The following USH2A variants were observed in gnomAD, a reference collection of about 807,000 sequenced individuals.
The protein encoded by USH2A is Usher syndrome 2A (autosomal recessive, mild).
USH2A carries 443 observed loss-of-function variants against 538.9 expected under a neutral mutation model. The ratio of observed to expected loss-of-function variants is 0.82; its 90% CI spans 0.76 to 0.89. The LOEUF is 0.89. USH2A is among the 40% of genes least tolerant of loss of function. USH2A has a pLI of 0.00. For synonymous variants in USH2A, 2,413 were observed against 2,273.5 expected, an observed-to-expected ratio of 1.06 and a Z score of -1.75; for missense variants, 6,633 against 6,324.8, an observed-to-expected ratio of 1.05 and a Z score of -1.65.
chr1:215,867,092 CGTT>C lies in USH2A; in HGVS notation c.8757_8759del (p.Thr2920del), dbSNP rs1558135095. ...CTCCTCTCTCTGGAAGACCAGCTAA[CGTT>C]GTCACAGTCACTTCTCGGCTCGGTG... On this transcript the variant is annotated inframe_deletion, in exon 44 of 72. Transcript: ENST00000307340. The C allele has an allele frequency of 4.3e-6, 7 of 1,614,160 alleles. No homozygotes were observed. In the South Asian group the frequency reaches 4.4e-5, roughly 10 times the overall value.
chr1:216,273,764 T>G (rs188485135), intron 11 of USH2A, among the ~76,000 whole-genome samples: 3 of 151,040 alleles, frequency 2.0e-5, no homozygotes, highest in Non-Finnish European at 4.4e-5. Context: ...GGGAGTTAAT[T>G]ATGACTTGTT....
At position 216,364,923 on chromosome 1, in the gene USH2A, A is replaced by G. The variant is rs201421137; in HGVS notation, c.784+30T>C. On this transcript the variant is annotated intron_variant, in intron 4 of 71. Coordinates refer to ENST00000307340, the MANE Select transcript of USH2A (RefSeq NM_206933.4). ...TTTAAGAACAATGTAATTGGATGAA[A>G]TAAATAACATTCTGAAGTCAGAAAC... is the stretch of plus-strand genomic sequence containing the variant. 1.6e-4 allele frequency: 260 copies of G among 1,612,404 alleles called. 1 individual carries two copies. In the African/African-American group the frequency reaches 3.2e-3, roughly 20 times the overall value.
chr1:215,877,780 A>G lies in USH2A; in HGVS notation c.8659T>C (p.Tyr2887His), dbSNP rs1664810790. 6.2e-7 allele frequency: 1 copy of G among 1,613,664 alleles called. No homozygotes were observed. The highest frequency in any genetic ancestry group is 1.7e-5 in the Admixed American group (1 of 59,992). Residue 2887 changes from tyrosine (Y) to histidine (H), a missense_variant, in exon 43 of 72, where the codon TAT becomes CAT. Coordinates refer to ENST00000307340, the MANE Select transcript of USH2A (RefSeq NM_206933.4). ...CACCTGCTAAGACCCTTATCTTCAT[A>G]AAGCCACTGAGTTCCTGAATAAATA... ...HNIYSGTQWL[Y>H]EDKGLSRFTT...
At chr1:215,929,984 C>T (rs944453188) in intron 38 of USH2A, among the ~76,000 whole-genome samples, 7 of 151,908 alleles carry the variant, frequency 4.6e-5, no homozygotes, top group East Asian at 1.9e-4. Flanking sequence ...ACAAACTACT[C>T]GCAACCATTT....
intron 26 of USH2A, among the ~76,000 whole-genome samples, chr1:216,079,811 T>G (rs2031876176): frequency 6.6e-6 from 1 of 152,070 alleles, no homozygotes. Flanking sequence ...TTGAGAGTCA[T>G]TAAAATAAGG....
chr1:215,683,525 G>A lies in USH2A; in HGVS notation c.12067-3149C>T, dbSNP rs74141394. Reference sequence around the variant, plus strand: ...GTGAATTGGGTTGGCTCTCATTTACGTACTAAGTTTCTTGTTATTTTTCTT... The same window carrying A: ...GTGAATTGGGTTGGCTCTCATTTACATACTAAGTTTCTTGTTATTTTTCTT... On this transcript the variant is annotated intron_variant, in intron 61 of 71. Coordinates refer to ENST00000307340, the MANE Select transcript of USH2A (RefSeq NM_206933.4). 2.8e-3 allele frequency among the ~76,000 whole-genome samples: 427 copies of A among 152,208 alleles called. 2 individuals carry two copies. The highest frequency in any genetic ancestry group is 7.6e-3 in the African/African-American group (315 of 41,518).
At chr1:216,414,251 A>G (rs2039540316) in intron 3 of USH2A, among the ~76,000 whole-genome samples, 1 of 152,084 alleles carries the variant, frequency 6.6e-6, no homozygotes, top group Non-Finnish European at 1.5e-5. Flanking sequence ...TGAAATAGCC[A>G]ATATATTAAA....
rs926540982 is a variant in USH2A at position 215,758,657 on chromosome 1, T to C, written c.11327A>G (p.Tyr3776Cys). ...QTPMSTPEEI[Y>C]PPYNITVIGP... ...AATTACTGTGATATTATATGGAGGATAGATTTCTTCTGGTGTTGACATAGG... is the reference window on the plus strand; with the variant it reads ...AATTACTGTGATATTATATGGAGGACAGATTTCTTCTGGTGTTGACATAGG... The change falls in exon 58 of 72, where the codon TAT (tyrosine) becomes TGT (cysteine). Residue 3776 changes from tyrosine (Y) to cysteine (C), a missense_variant. Transcript: ENST00000307340. 1.1e-5 allele frequency: 17 copies of C among 1,613,890 alleles called. No homozygotes were observed. Among genetic ancestry groups the C allele is most frequent in the Non-Finnish European group, 1.3e-5 (15 of 1,179,864 alleles).
chr1:216,085,680 T>C (rs2032106541), intron 24 of USH2A, among the ~76,000 whole-genome samples: 1 of 151,854 alleles, frequency 6.6e-6, no homozygotes, highest in Non-Finnish European at 1.5e-5. Context: ...CTGAAGATAC[T>C]ATTTCCCAGA....
chr1:216,036,227 C>A (rs1213223919), intron 32 of USH2A, among the ~76,000 whole-genome samples: 1 of 151,920 alleles, frequency 6.6e-6, no homozygotes, highest in Non-Finnish European at 1.5e-5. Context: ...AATTTCTTTC[C>A]TTTCTATCAA....
chr1:215,814,064 C>T (rs954132114), intron 48 of USH2A, among the ~76,000 whole-genome samples, 160 bp from the exon 49 acceptor site: 24 of 151,364 alleles, frequency 1.6e-4, no homozygotes, highest in African/African-American at 5.1e-4. Context: ...CAGGATCATT[C>T]GAATTTTATA....
intron 3 of USH2A, among the ~76,000 whole-genome samples, chr1:216,400,155 C>A (rs1021287939): frequency 6.6e-6 from 1 of 151,134 alleles, no homozygotes; most frequent in African/African-American, 2.4e-5. Context: ...CATCAACAAG[C>A]AATTGTGAAT....
chr1:216,102,621 A>G (rs966547808), intron 21 of USH2A, among the ~76,000 whole-genome samples: 3 of 152,000 alleles, frequency 2.0e-5, no homozygotes, highest in Non-Finnish European at 4.4e-5. Context: ...AACACGGCGA[A>G]ACCTCGTCTC....
rs939341424 is a variant in USH2A at position 216,228,729 on chromosome 1, G to A, written c.2993+3224C>T. ...TCAGGTATGTCTTTATCAGCAGCAT[G>A]AAAACGGACTAATACAGGGATGGAA... On this transcript the variant is annotated intron_variant, in intron 14 of 71. Transcript: ENST00000307340. Among the ~76,000 whole-genome samples the A allele has an allele frequency of 5.3e-5, 8 of 152,220 alleles. No homozygotes were observed. In the East Asian group the frequency reaches 1.5e-3, roughly 29 times the overall value.
At chr1:216,094,906 T>C (rs1396747762) in intron 22 of USH2A, among the ~76,000 whole-genome samples, 1 of 152,082 alleles carries the variant, frequency 6.6e-6, no homozygotes, top group Non-Finnish European at 1.5e-5. Flanking sequence ...GAAGAGTATC[T>C]ACCTCACAGA....
intron 3 of USH2A, among the ~76,000 whole-genome samples, chr1:216,396,037 A>G (rs548340317): frequency 6.6e-6 from 1 of 152,308 alleles, no homozygotes; most frequent in African/African-American, 2.4e-5. Flanking sequence ...TCCCCTTTTC[A>G]TTGTCAAGGG....
intron 34 of USH2A, among the ~76,000 whole-genome samples, chr1:215,996,019 T>C (rs765198530): frequency 1.3e-5 from 2 of 152,150 alleles, no homozygotes; most frequent in Non-Finnish European, 2.9e-5. Flanking sequence ...CAAGGGATTA[T>C]CGTACCTCAG....
chr1:215,756,115 ATATT>A (rs1204566719), intron 58 of USH2A, among the ~76,000 whole-genome samples: 6 of 152,330 alleles, frequency 3.9e-5, no homozygotes, highest in African/African-American at 1.4e-4. Context: ...ACTAGATAAT[ATATT>A]TATCATATAA....
At chr1:215,768,380 T>C (rs1275194312) in intron 55 of USH2A, among the ~76,000 whole-genome samples, 3 of 152,188 alleles carry the variant, frequency 2.0e-5, no homozygotes, top group African/African-American at 7.2e-5. Flanking sequence ...TCTCATCCAT[T>C]TAGAATGAGA....
Sources: gnomAD v4.1 joint callset for allele counts (sites outside exome capture counted in the v4.1 genomes callset) on GRCh38, gnomAD v4.1.1 for gene constraint, MANE v1.5 for transcripts, NCBI Gene and HGNC (gene_info 2026-07-23, HGNC 2026-07-21) for gene names.